CRACD: variants seen among roughly 807,000 people sequenced by gnomAD.
The protein encoded by CRACD is capping protein-inhibiting regulator of actin dynamics.
A neutral mutation model predicts 106.8 loss-of-function variants in CRACD; 56 were observed. The observed-to-expected ratio is 0.52, with a 90% CI of 0.42 to 0.66. The LOEUF (loss-of-function observed/expected upper bound fraction) is 0.66. CRACD is among the 30% of genes least tolerant of loss of function. The pLI, the probability that CRACD is intolerant of heterozygous loss-of-function variation, is 0.00. For missense variants in CRACD, 1,730 were observed against 1,623.2 expected, an observed-to-expected ratio of 1.07 and a Z score of -1.13; for synonymous variants, 754 against 670.8, an observed-to-expected ratio of 1.12 and a Z score of -1.92.
intron 2 of CRACD, among the ~76,000 whole-genome samples, chr4:56,214,514 C>A (rs1384452049): frequency 6.6e-6 from 1 of 151,696 alleles, no homozygotes; most frequent in African/African-American, 2.4e-5. Context: ...ATCACGTGAA[C>A]CCGGGAGGCG....
intron 3 of CRACD, among the ~76,000 whole-genome samples, chr4:56,277,456 A>T (rs542511932): frequency 5.0e-4 from 74 of 146,862 alleles, no homozygotes; most frequent in African/African-American, 1.8e-3. Context: ...ATGATTTATA[A>T]AAAAAAAAAA....
chr4:56,314,584 A>G lies in CRACD; in HGVS notation c.1082A>G (p.Gln361Arg), dbSNP rs1343645707. 11 of 1,511,434 alleles carry G rather than the reference A, an allele frequency of 7.3e-6. No homozygotes were observed. The highest frequency in any genetic ancestry group is 8.8e-6 in the Non-Finnish European group (10 of 1,130,812). 93.6% of individuals were successfully genotyped at this position (1,511,434 alleles called of 1,614,324 possible). A position where few individuals can be genotyped will look rare whatever the true frequency, so the allele number is the denominator to read the frequency against. ...EGRCAEELKR[Q>R]EEEEAEGWEE... is the part of the protein sequence containing the mutation. Reference sequence around the variant, plus strand: ...AGATGCGCGGAGGAGCTCAAAAGGCAGGAGGAGGAGGAGGCTGAGGGATGG... The same window carrying G: ...AGATGCGCGGAGGAGCTCAAAAGGCGGGAGGAGGAGGAGGCTGAGGGATGG... The change falls in exon 8 of 11, where the codon CAG becomes CGG. Residue 361 changes from glutamine to arginine, a missense_variant. Coordinates refer to ENST00000682029, the MANE Select transcript of CRACD (RefSeq NM_001393381.1). The surrounding 1 kb of genome is among the most constrained non-coding windows in gnomAD (Gnocchi z 4.4).
At chr4:56,066,251 A>G (rs1482383063) in intron 1 of CRACD, among the ~76,000 whole-genome samples, 1 of 152,132 alleles carries the variant, frequency 6.6e-6, no homozygotes, top group African/African-American at 2.4e-5. Flanking sequence ...AGTTTTGAAT[A>G]CCCCAGCAAC....
intron 4 of CRACD, among the ~76,000 whole-genome samples, chr4:56,304,142 C>A (rs1744530030): frequency 6.6e-6 from 1 of 152,112 alleles, no homozygotes; most frequent in Non-Finnish European, 1.5e-5. Context: ...GTTGTAACTG[C>A]AGCTGGTCTG....
At chr4:56,147,556 T>G (rs1735432370) in intron 1 of CRACD, among the ~76,000 whole-genome samples, 1 of 152,226 alleles carries the variant, frequency 6.6e-6, no homozygotes, top group South Asian at 2.1e-4. Context: ...CTTCTTTCAC[T>G]TAGCATAATG....
At chr4:56,192,290 G>C (rs1337991924) in intron 2 of CRACD, among the ~76,000 whole-genome samples, 3 of 152,114 alleles carry the variant, frequency 2.0e-5, no homozygotes, top group Admixed American at 6.5e-5. Context: ...TGCTAGAGAG[G>C]CTGAGGTGGA....
At chr4:56,234,484 A>G (rs534663668) in intron 2 of CRACD, among the ~76,000 whole-genome samples, 1 of 152,112 alleles carries the variant, frequency 6.6e-6, no homozygotes, top group Non-Finnish European at 1.5e-5. Context: ...CAGTTGATGG[A>G]TATGTATTTA....
intron 1 of CRACD, among the ~76,000 whole-genome samples, chr4:56,145,302 T>C (rs779302477): frequency 6.6e-6 from 1 of 152,232 alleles, no homozygotes; most frequent in Non-Finnish European, 1.5e-5. Context: ...CAAAGAATGC[T>C]GATAAGTAAG....
intron 1 of CRACD, among the ~76,000 whole-genome samples, chr4:56,057,963 C>T (rs1244879314): frequency 5.4e-5 from 4 of 73,698 alleles, no homozygotes; most frequent in African/African-American, 1.0e-4. Context: ...GGACTACAGG[C>T]GCCCGCTACC....
rs764800692 is a variant in CRACD at position 56,316,552 on chromosome 4, C to T, written c.3050C>T (p.Ser1017Leu). Residue 1017 changes from serine to leucine, a missense_variant, in exon 8 of 11, where the codon TCG becomes TTG. Coordinates refer to ENST00000682029, the MANE Select transcript of CRACD (RefSeq NM_001393381.1). ...DQESSDRRPP[S>L]PPGPEERKGQ... ...GAGAGCAGTGACCGCCGGCCACCCTCGCCCCCAGGCCCCGAGGAAAGGAAG... is the reference window on the plus strand; with the variant it reads ...GAGAGCAGTGACCGCCGGCCACCCTTGCCCCCAGGCCCCGAGGAAAGGAAG... 1.9e-6 allele frequency: 3 copies of T among 1,613,056 alleles called. No homozygotes were observed. The highest frequency in any genetic ancestry group is 4.5e-5 in the East Asian group (2 of 44,838).
At chr4:56,076,652 A>G (rs1560443888) in intron 1 of CRACD, among the ~76,000 whole-genome samples, 2 of 152,150 alleles carry the variant, frequency 1.3e-5, no homozygotes, top group Non-Finnish European at 2.9e-5. Context: ...CTACCCCTGC[A>G]TGCCACCTTT....
At chr4:56,160,825 T>G (rs1309598472) in intron 1 of CRACD, among the ~76,000 whole-genome samples, 2 of 152,258 alleles carry the variant, frequency 1.3e-5, no homozygotes, top group Non-Finnish European at 2.9e-5. Flanking sequence ...TGCAGCTTCC[T>G]GCTCAGTGCT....
At position 56,315,889 on chromosome 4, in the gene CRACD, C is replaced by T. The variant is rs1247508605; in HGVS notation, c.2387C>T (p.Pro796Leu). 6 of 1,614,192 alleles carry T rather than the reference C, an allele frequency of 3.7e-6. No individual in the cohort carries two copies. The highest frequency in any genetic ancestry group is 3.3e-5 in the South Asian group (3 of 91,076). ...TEGCKFAKDLPSFLVPSLPYP... is the reference protein window; with the variant it reads ...TEGCKFAKDLLSFLVPSLPYP... ...GGATGCAAATTTGCCAAAGACCTCC[C>T]GTCTTTCCTTGTCCCAAGCCTTCCT... Residue 796 changes from proline to leucine, a missense_variant, in exon 8 of 11, where the codon CCG becomes CTG. Pro to Leu is a moderately conservative substitution (Grantham distance 98). Coordinates refer to ENST00000682029, the MANE Select transcript of CRACD (RefSeq NM_001393381.1). The surrounding 1 kb of genome is among the most constrained non-coding windows in gnomAD (Gnocchi z 4.1).
intron 1 of CRACD, among the ~76,000 whole-genome samples, chr4:56,072,897 T>C (rs1217699726): frequency 6.6e-6 from 1 of 152,166 alleles, no homozygotes; most frequent in Non-Finnish European, 1.5e-5. Context: ...AGAATGATGG[T>C]TTCCATATTC....
In CRACD at chr4:56,323,567, T is replaced by C. The variant is rs369204714; in HGVS notation, c.3378T>C (p.Asn1126=). The C allele has an allele frequency of 9.0e-5, 140 of 1,563,868 alleles. No individual in the cohort carries two copies. The highest frequency in any genetic ancestry group is 1.1e-4 in the Non-Finnish European group (129 of 1,162,970). ...AKQAEKLSKE[N]VSVSVQPGSS... ...AGGCAGAAAAGCTCTCCAAAGAAAA[T>C]GTGAGTAGCCTGGGCTTCAGCTGTG... is the stretch of plus-strand genomic sequence containing the variant. Residue 1126 remains asparagine, a splice_region_variant and synonymous_variant, in exon 9 of 11, where the codon AAT becomes AAC. Transcript: ENST00000682029.
intron 1 of CRACD, among the ~76,000 whole-genome samples, chr4:56,116,452 T>A (rs868739662): frequency 5.3e-5 from 8 of 152,162 alleles, no homozygotes; most frequent in African/African-American, 1.7e-4. Flanking sequence ...TAGATCCTTC[T>A]CCTTTCACTC....
At chr4:56,309,221 T>C in intron 5 of CRACD, 1 of 297,324 alleles carries the variant, frequency 3.4e-6, no homozygotes, top group South Asian at 3.2e-5. Context: ...GTATAGACCA[T>C]GGGAAAAGGG....
At chr4:56,280,324 A>T (rs930487924) in intron 3 of CRACD, among the ~76,000 whole-genome samples, 1 of 151,582 alleles carries the variant, frequency 6.6e-6, no homozygotes, top group Non-Finnish European at 1.5e-5. Context: ...AAGAAATGTG[A>T]CTACACTCCA....
At chr4:56,140,844 G>T (rs943689823) in intron 1 of CRACD, among the ~76,000 whole-genome samples, 1 of 152,138 alleles carries the variant, frequency 6.6e-6, no homozygotes, top group Non-Finnish European at 1.5e-5. Context: ...CTTCCATAAT[G>T]CAGTCCCAGC....
Sources: gnomAD v4.1 joint callset for allele counts (sites outside exome capture counted in the v4.1 genomes callset) on GRCh38, gnomAD v4.1.1 for gene constraint, Gnocchi (gnomAD v3.1) non-coding constraint, MANE v1.5 for transcripts, NCBI Gene and HGNC (gene_info 2026-07-23, HGNC 2026-07-21) for gene names.